The following ASAP2 variants were observed in gnomAD, a reference collection of about 807,000 sequenced individuals.
The protein encoded by ASAP2 is arf-GAP with SH3 domain, ANK repeat and PH domain-containing protein 2.
A neutral mutation model predicts 131.4 loss-of-function variants in ASAP2; 45 were observed. That is an observed-to-expected ratio of 0.34 (90% CI 0.27 to 0.44). The LOEUF is 0.44. ASAP2 is among the 20% of genes least tolerant of loss of function. The pLI is 1.00. For missense variants in ASAP2, 1,011 were observed against 1,297.0 expected, an observed-to-expected ratio of 0.78 and a Z score of 3.39; for synonymous variants, 510 against 503.0, an observed-to-expected ratio of 1.01 and a Z score of -0.19.
intron 16 of ASAP2, among the ~76,000 whole-genome samples, chr2:9,369,255 G>A (rs924244626): frequency 6.6e-6 from 1 of 152,180 alleles, no homozygotes; most frequent in Non-Finnish European, 1.5e-5. Flanking sequence ...CTGACCTCAG[G>A]TGATCCACTC....
At chr2:9,398,392 T>C (rs1026636412) in intron 24 of ASAP2, among the ~76,000 whole-genome samples, 16 of 151,962 alleles carry the variant, frequency 1.1e-4, no homozygotes, top group African/African-American at 3.6e-4. Context: ...GCACCTGTAG[T>C]CCCAACTACT....
intron 1 of ASAP2, among the ~76,000 whole-genome samples, chr2:9,270,785 A>ATT (rs35913703): frequency 0.017 from 903 of 52,906 alleles, 95 homozygotes; most frequent in African/African-American, 0.043. Context: ...AATTGTTTTC[A>ATT]TTTTTTTTTT....
At chr2:9,275,001 A>G (rs767347703) in intron 1 of ASAP2, among the ~76,000 whole-genome samples, 1 of 151,904 alleles carries the variant, frequency 6.6e-6, no homozygotes, top group Non-Finnish European at 1.5e-5. Flanking sequence ...TTGTGTTATT[A>G]AGGTATGTTG....
At chr2:9,209,479 TAA>T (rs1174217106) in intron 1 of ASAP2, among the ~76,000 whole-genome samples, 1 of 152,258 alleles carries the variant, frequency 6.6e-6, no homozygotes, top group East Asian at 1.9e-4. Flanking sequence ...TATCATGACA[TAA>T]AGTTACTCAT....
At chr2:9,320,564 T>C (rs1443697862) in intron 5 of ASAP2, among the ~76,000 whole-genome samples, 1 of 152,218 alleles carries the variant, frequency 6.6e-6, no homozygotes, top group African/African-American at 2.4e-5. Context: ...ATAGTGGTTA[T>C]AGGATGTTAT....
intron 1 of ASAP2, among the ~76,000 whole-genome samples, chr2:9,243,199 C>T (rs1055325053): frequency 1.3e-5 from 2 of 152,162 alleles, no homozygotes; most frequent in Admixed American, 1.3e-4. Context: ...AGCTCCGCCT[C>T]CCGGGTTCAC....
At chr2:9,358,931 C>T (rs767090558) in intron 15 of ASAP2, 42 bp downstream of exon 15, 1 of 1,571,130 alleles carries the variant, frequency 6.4e-7, no homozygotes, top group Non-Finnish European at 8.7e-7. Flanking sequence ...AACAAATGAG[C>T]TGTAAGCTAA....
intron 1 of ASAP2, among the ~76,000 whole-genome samples, chr2:9,270,204 T>C (rs1666243228): frequency 6.6e-6 from 1 of 152,214 alleles, no homozygotes; most frequent in Non-Finnish European, 1.5e-5. Context: ...TGCTCCTGTC[T>C]TGGGGTCTCT....
chr2:9,396,255 G>T (rs1433869731), intron 24 of ASAP2, among the ~76,000 whole-genome samples: 1 of 152,116 alleles, frequency 6.6e-6, no homozygotes, highest in East Asian at 1.9e-4. Flanking sequence ...CTCACTGCTG[G>T]AGTGGGATTC....
At chr2:9,279,268 G>A (rs777997274) in intron 1 of ASAP2, 49 bp from the exon 2 acceptor site, 19 of 1,566,446 alleles carry the variant, frequency 1.2e-5, no homozygotes, top group South Asian at 5.5e-5. Flanking sequence ...CGCTGCTAGC[G>A]TGGTCTCAGC....
intron 3 of ASAP2, among the ~76,000 whole-genome samples, chr2:9,303,795 A>G (rs1668648573): frequency 6.6e-6 from 1 of 152,160 alleles, no homozygotes; most frequent in Admixed American, 6.6e-5. Context: ...GGACTTGGAT[A>G]CTGTTTCTTT....
intron 1 of ASAP2, among the ~76,000 whole-genome samples, chr2:9,236,091 C>A (rs542083765): frequency 6.6e-6 from 1 of 152,086 alleles, no homozygotes; most frequent in African/African-American, 2.4e-5. Flanking sequence ...TGTTGAGAAA[C>A]GCTGGGTCAA....
At chr2:9,262,921 T>G (rs953632908) in intron 1 of ASAP2, among the ~76,000 whole-genome samples, 3 of 152,232 alleles carry the variant, frequency 2.0e-5, no homozygotes, top group Non-Finnish European at 2.9e-5. Flanking sequence ...CTCCCCTGTT[T>G]ATTTGACTAA....
intron 24 of ASAP2, among the ~76,000 whole-genome samples, chr2:9,397,662 G>A: frequency 6.8e-6 from 1 of 148,068 alleles, no homozygotes; most frequent in South Asian, 2.1e-4. Flanking sequence ...GTTTTTTAGG[G>A]CCATGAGCTA....
chr2:9,381,582 A>T (rs911840536), intron 20 of ASAP2, among the ~76,000 whole-genome samples: 1 of 152,202 alleles, frequency 6.6e-6, no homozygotes, highest in African/African-American at 2.4e-5. Context: ...CAAATGATTT[A>T]AAAACTAGCA....
chr2:9,344,898 G>C, intron 11 of ASAP2, 98 bp downstream of exon 11: 2 of 1,037,330 alleles, frequency 1.9e-6, no homozygotes, highest in South Asian at 2.8e-5. Flanking sequence ...TTCTCCGTGT[G>C]TGATGGTATT....
intron 9 of ASAP2, among the ~76,000 whole-genome samples, chr2:9,340,453 A>G (rs1477986545): frequency 6.6e-6 from 1 of 152,250 alleles, no homozygotes; most frequent in Admixed American, 6.5e-5. Context: ...TCTTTTAAAA[A>G]TTACCCTTAA....
chr2:9,322,978 T>G, intron 5 of ASAP2, 143 bp from the exon 6 acceptor site: 7 of 940,568 alleles, frequency 7.4e-6, no homozygotes, highest in Non-Finnish European at 1.1e-5. Flanking sequence ...CCATTTTCCT[T>G]TTGAGGGAGT....
chr2:9,208,206 A>T (rs557884423), intron 1 of ASAP2, among the ~76,000 whole-genome samples: 2 of 152,218 alleles, frequency 1.3e-5, no homozygotes, highest in East Asian at 1.9e-4. Context: ...CTCGGCTCAG[A>T]ATAGGTTTAC....
Sources: gnomAD v4.1 joint callset for allele counts (sites outside exome capture counted in the v4.1 genomes callset) on GRCh38, gnomAD v4.1.1 for gene constraint, MANE v1.5 for transcripts, NCBI Gene and HGNC (gene_info 2026-07-23, HGNC 2026-07-21) for gene names.